The following PTPRN2 variants were observed in gnomAD, a reference collection of about 807,000 sequenced individuals.
PTPRN2 encodes the protein receptor-type tyrosine-protein phosphatase N2.
A neutral mutation model predicts 118.8 loss-of-function variants in PTPRN2; 74 were observed. The ratio of observed to expected loss-of-function variants is 0.62; its 90% CI spans 0.52 to 0.76. The LOEUF is 0.76. PTPRN2 is among the 30% of genes least tolerant of loss of function. The pLI, the probability that PTPRN2 is intolerant of heterozygous loss-of-function variation, is 0.00. For missense variants in PTPRN2, 1,481 were observed against 1,394.4 expected, an observed-to-expected ratio of 1.06 and a Z score of -0.99; for synonymous variants, 641 against 608.0, an observed-to-expected ratio of 1.05 and a Z score of -0.80.
intron 1 of PTPRN2, among the ~76,000 whole-genome samples, chr7:158,531,163 G>A (rs187406729): frequency 9.4e-4 from 143 of 152,256 alleles, no homozygotes; most frequent in African/African-American, 3.1e-3. Context: ...GTTACAGCCC[G>A]GCCAACAGCT....
At chr7:157,895,566 T>G (rs773192325) in intron 12 of PTPRN2, among the ~76,000 whole-genome samples, 2 of 152,184 alleles carry the variant, frequency 1.3e-5, no homozygotes, top group Non-Finnish European at 2.9e-5. Context: ...TTTTTCTAAG[T>G]GAAAAATACA....
chr7:158,158,115 G>T (rs1821998902), intron 6 of PTPRN2, among the ~76,000 whole-genome samples: 1 of 152,156 alleles, frequency 6.6e-6, no homozygotes, highest in Non-Finnish European at 1.5e-5. Flanking sequence ...GAGCAGCACT[G>T]GGATGCATTC....
At chr7:158,329,213 C>G (rs987934210) in intron 2 of PTPRN2, among the ~76,000 whole-genome samples, 1 of 152,142 alleles carries the variant, frequency 6.6e-6, no homozygotes, top group African/African-American at 2.4e-5. Flanking sequence ...GGAAGCGTGG[C>G]GGGTGGGAGG....
intron 5 of PTPRN2, among the ~76,000 whole-genome samples, chr7:158,185,252 T>C (rs936714320): frequency 6.6e-6 from 1 of 152,242 alleles, no homozygotes; most frequent in African/African-American, 2.4e-5. Flanking sequence ...TATTGAGACT[T>C]ATTTTATGGC....
At chr7:158,368,283 A>G (rs1231839358) in intron 2 of PTPRN2, among the ~76,000 whole-genome samples, 1 of 152,190 alleles carries the variant, frequency 6.6e-6, no homozygotes, top group Non-Finnish European at 1.5e-5. Flanking sequence ...GGACCCTGTA[A>G]CAGCTGCCAC....
At chr7:157,792,466 C>G (rs1055739382) in intron 12 of PTPRN2, among the ~76,000 whole-genome samples, 1 of 152,192 alleles carries the variant, frequency 6.6e-6, no homozygotes, top group Non-Finnish European at 1.5e-5. Flanking sequence ...CCGAGGTCTC[C>G]GCGTCCCAGC....
chr7:157,828,282 T>C (rs1807319605), intron 12 of PTPRN2, among the ~76,000 whole-genome samples: 1 of 152,210 alleles, frequency 6.6e-6, no homozygotes, highest in South Asian at 2.1e-4. Context: ...GTAGACAGAC[T>C]GTCCACCTTG....
At chr7:158,262,982 C>CACACATTCACACACTGCACACAT (rs1797608307) in intron 3 of PTPRN2, among the ~76,000 whole-genome samples, 1 of 58,664 alleles carries the variant, frequency 1.7e-5, no homozygotes, top group Non-Finnish European at 3.8e-5. Context: ...TGCACACATA[C>CACACATTCACACACTGCACACAT]AGATTCACAC....
chr7:157,653,929 C>T (rs1321769495), intron 14 of PTPRN2, among the ~76,000 whole-genome samples: 8 of 132,794 alleles, frequency 6.0e-5, no homozygotes. Context: ...CCCACACCCA[C>T]CCCAACTGCA....
chr7:158,142,531 G>A (rs1168278546), intron 6 of PTPRN2, among the ~76,000 whole-genome samples: 1 of 152,168 alleles, frequency 6.6e-6, no homozygotes, highest in Non-Finnish European at 1.5e-5. Flanking sequence ...ACAGAAGAAG[G>A]GAAACGCAGG....
intron 11 of PTPRN2, among the ~76,000 whole-genome samples, chr7:157,966,344 ATCATTT>A (rs1287151033): frequency 1.3e-5 from 2 of 151,972 alleles, no homozygotes. Flanking sequence ...CACCACCACC[ATCATTT>A]TCATTATCAA....
In PTPRN2 at chr7:157,987,562, G is replaced by A. The variant is rs1803899826; in HGVS notation, c.1724-88825C>T. On this transcript the variant is annotated intron_variant, in intron 11 of 22. Coordinates refer to ENST00000389418, the MANE Select transcript of PTPRN2 (RefSeq NM_002847.5). The surrounding 1 kb of genome is among the most constrained non-coding windows in gnomAD (Gnocchi z 4.3). ...GCAGACCCGGTGGACAGCAGGAGCT[G>A]CCTGGTCCCACTGCTGAGTTTTATG... is the stretch of plus-strand genomic sequence containing the variant. 6.6e-6 allele frequency among the ~76,000 whole-genome samples: 1 copy of A among 152,164 alleles called. No individual in the cohort carries two copies. Among genetic ancestry groups the A allele is most frequent in the Non-Finnish European group, 1.5e-5 (1 of 68,022 alleles).
intron 17 of PTPRN2, among the ~76,000 whole-genome samples, chr7:157,586,633 C>T (rs1187568379): frequency 2.0e-5 from 3 of 151,844 alleles, no homozygotes; most frequent in African/African-American, 4.8e-5. Context: ...TCAGGGCCCC[C>T]GCTGCTGGAC....
chr7:157,762,422 T>G (rs1802189149), intron 12 of PTPRN2, among the ~76,000 whole-genome samples: 1 of 151,922 alleles, frequency 6.6e-6, no homozygotes, highest in Non-Finnish European at 1.5e-5. Context: ...CCATAAAAAA[T>G]GATGAGTTCA....
intron 10 of PTPRN2, among the ~76,000 whole-genome samples, chr7:158,091,022 G>T (rs760928801): frequency 2.0e-5 from 3 of 152,282 alleles, no homozygotes; most frequent in Non-Finnish European, 2.9e-5. Context: ...TCTGACAAAA[G>T]CTTCCATGTT....
intron 3 of PTPRN2, among the ~76,000 whole-genome samples, chr7:158,263,424 G>GCACA (rs67067656): frequency 1.3e-5 from 2 of 151,592 alleles, no homozygotes; most frequent in East Asian, 2.0e-4. Flanking sequence ...ACAAACACAT[G>GCACA]CACACACACA....
intron 2 of PTPRN2, among the ~76,000 whole-genome samples, chr7:158,410,773 C>T (rs893768002): frequency 2.0e-5 from 3 of 151,452 alleles, no homozygotes; most frequent in Admixed American, 6.6e-5. Context: ...TAGTGATTGA[C>T]GTCCCTGTAG....
chr7:158,316,888 A>T lies in PTPRN2; in HGVS notation c.208T>A (p.Tyr70Asn). 1.2e-6 allele frequency: 2 copies of T among 1,612,826 alleles called. No homozygotes were observed. Among genetic ancestry groups the T allele is most frequent in the Non-Finnish European group, 1.7e-6 (2 of 1,179,990 alleles). The change falls in exon 3 of 23, where the codon TAC becomes AAC. Residue 70 changes from tyrosine to asparagine, a missense_variant. Physicochemically the swap from Tyr to Asn is moderately radical, Grantham distance 143 (BLOSUM62 -2). Transcript: ENST00000389418. ...GCCACGGGCGACACCTCGTAGCGGT[A>T]AAAGTCCATTGCCGGAACCTTCTGG... Reference protein sequence around the residue: ...RCQKVPAMDFYRYEVSPVALQ... With the variant: ...RCQKVPAMDFNRYEVSPVALQ...
rs74303871 is a variant in PTPRN2, at chr7:158,510,553, T to C, written c.113-20768A>G. On this transcript the variant is annotated intron_variant, in intron 1 of 22. Transcript: ENST00000389418. Reference sequence around the variant, plus strand: ...TCCAAGATTTCATTTCTTAAAAAGATTCTACCCTTCTTTGCATCCTTTTGA... The same window carrying C: ...TCCAAGATTTCATTTCTTAAAAAGACTCTACCCTTCTTTGCATCCTTTTGA... Among the ~76,000 whole-genome samples the C allele has an allele frequency of 1.8e-3, 271 of 152,312 alleles. 7 individuals carry two copies. In the East Asian group the frequency reaches 0.034, roughly 19 times the overall value.
Sources: allele counts gnomAD v4.1 joint callset (sites outside exome capture counted in the v4.1 genomes callset), GRCh38; gene constraint gnomAD v4.1.1; non-coding constraint Gnocchi (gnomAD v3.1); transcripts MANE v1.5; gene names NCBI Gene and HGNC (gene_info 2026-07-23, HGNC 2026-07-21).